Variants in SLC22A12 observed in about 807,000 individuals in gnomAD.
SLC22A12 encodes solute carrier family 22 member 12, also known as organic anion transporter 4-like protein.
SLC22A12 carries 56 observed loss-of-function variants against 52.7 expected under a neutral mutation model. The observed-to-expected ratio is 1.06, with a 90% CI of 0.86 to 1.33. SLC22A12 has a LOEUF of 1.33. Ranked by LOEUF, SLC22A12 falls within the 40% of genes most tolerant of loss-of-function variation. SLC22A12 has a pLI of 0.00. For synonymous variants in SLC22A12, 337 were observed against 324.6 expected (o/e 1.04, Z -0.41); for missense variants, 683 against 741.5 (o/e 0.92, Z 0.92).
At chr11:64,601,104 A>G (rs923275249) in intron 9 of SLC22A12, among the ~76,000 whole-genome samples, 166 bp downstream of exon 9, 1 of 152,146 alleles carries the variant, frequency 6.6e-6, no homozygotes, top group Non-Finnish European at 1.5e-5. Flanking sequence ...GTGGCAACCC[A>G]GGGCTCAGTC....
intron 1 of SLC22A12, 25 bp from the exon 2 acceptor site, chr11:64,592,754 G>A (rs2038961004): frequency 5.0e-6 from 8 of 1,596,348 alleles, no homozygotes; most frequent in Non-Finnish European, 4.3e-6. Flanking sequence ...AACCTCCTGA[G>A]CTCAGCCTCC....
chr11:64,592,961 A>G, intron 2 of SLC22A12, 79 bp downstream of exon 2: 1 of 1,338,176 alleles, frequency 7.5e-7, no homozygotes, highest in Non-Finnish European at 1.1e-6. Context: ...ACTGGCCCCA[A>G]ACCAGCCTCA....
Position 64,593,745 on chromosome 11 carries a change from T to C in SLC22A12, c.772T>C (p.Trp258Arg), listed in dbSNP as rs768165371. Residue 258 changes from tryptophan to arginine, a missense_variant, in exon 4 of 10, where the codon TGG becomes CGG. Physicochemically the swap from Trp to Arg is moderately radical, Grantham distance 101 (BLOSUM62 -3). Coordinates refer to ENST00000377574, the MANE Select transcript of SLC22A12 (RefSeq NM_144585.4). ...TAAVAYGVRD[W>R]TLLQLVVSVP... Reference sequence around the variant, plus strand: ...TGCAGTGGCCTACGGTGTGCGGGACTGGACACTGCTGCAGCTGGTGGTCTC... The same window carrying C: ...TGCAGTGGCCTACGGTGTGCGGGACCGGACACTGCTGCAGCTGGTGGTCTC... 3 of 1,613,364 alleles carry C rather than the reference T, an allele frequency of 1.9e-6. No individual in the cohort carries two copies. The highest frequency in any genetic ancestry group is 2.5e-6 in the Non-Finnish European group (3 of 1,180,016).
intron 9 of SLC22A12, 60 bp from the exon 10 acceptor site, chr11:64,601,428 G>C: frequency 6.4e-7 from 1 of 1,562,984 alleles, no homozygotes; most frequent in Non-Finnish European, 8.8e-7. Flanking sequence ...GATGGACACA[G>C]GTCAAGGGTC....
At chr11:64,596,363 GATGGATGGATGGA>G (rs201759837) in intron 4 of SLC22A12, among the ~76,000 whole-genome samples, 14,242 of 150,364 alleles carry the variant, frequency 0.095, 995 homozygotes, top group East Asian at 0.29. Flanking sequence ...TGAATGGATG[GATGGATGGATGGA>G]ATGGATGGAT....
intron 4 of SLC22A12, among the ~76,000 whole-genome samples, chr11:64,595,870 T>TA (rs1565137061): frequency 8.7e-5 from 12 of 138,228 alleles, no homozygotes; most frequent in Non-Finnish European, 1.8e-4. Context: ...GTTGAATGGA[T>TA]GGAATGGATG....
chr11:64,594,463 G>T (rs866177967), intron 4 of SLC22A12, among the ~76,000 whole-genome samples: 1 of 151,084 alleles, frequency 6.6e-6, no homozygotes, highest in Non-Finnish European at 1.5e-5. Flanking sequence ...TGGATGAATT[G>T]TTAGGTAAGT....
intron 1 of SLC22A12, among the ~76,000 whole-genome samples, chr11:64,592,171 C>G (rs549386066): frequency 9.9e-5 from 15 of 152,198 alleles, no homozygotes; most frequent in South Asian, 4.1e-4. Flanking sequence ...CTTGGAGGTG[C>G]GGGGGGCACC....
Position 64,593,621 on chromosome 11 carries a change from C to T in SLC22A12, c.662-14C>T, listed in dbSNP as rs375789672. 21 of 1,614,084 alleles carry T rather than the reference C, an allele frequency of 1.3e-5. No individual in the cohort carries two copies. The highest frequency in any genetic ancestry group is 2.2e-5 in the South Asian group (2 of 91,094). ...ATGCAGGCTCCAGGGCTGAACCACT[C>T]GGTCTCCTTGCAGTGATGGAGTGGA... On this transcript the variant is annotated splice_polypyrimidine_tract_variant and intron_variant, in intron 3 of 9. Coordinates refer to ENST00000377574, the MANE Select transcript of SLC22A12 (RefSeq NM_144585.4).
Position 64,591,536 on chromosome 11 carries a change from TG to T in SLC22A12, c.-18del, listed in dbSNP as rs1428503569. 2.5e-6 allele frequency: 4 copies of T among 1,609,208 alleles called. No homozygotes were observed. The African/African-American group carries it at 4.0e-5, about 16-fold the overall frequency. On this transcript the variant is annotated 5_prime_UTR_variant, in exon 1 of 10. Transcript: ENST00000377574. ...GCCTTTGTGAAGTGGGCCCCTCTTC[TG>T]GGCCCCTTGAGTAGGTTCCATGGCA... is the stretch of plus-strand genomic sequence containing the variant.
chr11:64,596,590 G>A (rs1356031184), intron 4 of SLC22A12, among the ~76,000 whole-genome samples: 1 of 152,184 alleles, frequency 6.6e-6, no homozygotes, highest in Non-Finnish European at 1.5e-5. Context: ...TGGTGAGCAG[G>A]TGCCCGCACC....
At chr11:64,600,042 G>A in intron 7 of SLC22A12, 152 bp downstream of exon 7, 1 of 960,810 alleles carries the variant, frequency 1.0e-6, no homozygotes, top group Admixed American at 2.1e-5. Flanking sequence ...GGCAGTGTCT[G>A]CACTGAGCCA....
At chr11:64,593,285 C>T (rs1290960314) in intron 2 of SLC22A12, 120 bp from the exon 3 acceptor site, 47 of 1,490,660 alleles carry the variant, frequency 3.2e-5, no homozygotes, top group Non-Finnish European at 4.0e-5. Context: ...ACCCAGGTGC[C>T]GCTTCAGTGT....
chr11:64,591,927 G>T lies in SLC22A12; in HGVS notation c.371G>T (p.Arg124Leu), dbSNP rs763298510. The T allele has an allele frequency of 6.2e-7, 1 of 1,611,914 alleles. No individual in the cohort carries two copies. Among genetic ancestry groups the T allele is most frequent in the East Asian group, 2.2e-5 (1 of 44,882 alleles). ...TGTGTGGATGGCTGGGTCTATGACC[G>T]CAGCATCTTCACCTCCACAATCGTG... The part of the protein sequence containing the change: ...EPCVDGWVYD[R>L]SIFTSTIVAK... Residue 124 changes from arginine to leucine, a missense_variant, in exon 1 of 10, where the codon CGC becomes CTC. By Grantham distance (102) the Arg-to-Leu change is moderately radical. Coordinates refer to ENST00000377574, the MANE Select transcript of SLC22A12 (RefSeq NM_144585.4).
At position 64,591,645 on chromosome 11, in the gene SLC22A12, G is replaced by A; in HGVS notation, c.89G>A (p.Trp30Ter). The change falls in exon 1 of 10, where the codon TGG becomes TAG. Residue 30 changes from tryptophan (W) to a stop codon, truncating the protein, a stop_gained. Transcript: ENST00000377574. LOFTEE classifies it high-confidence loss of function. ...QTMALMVSIM[W>*]LCTQSMLENF... ...ATGGCTCTGATGGTCTCCATCATGTGGCTGTGTACCCAGAGCATGCTGGAG... is the reference window on the plus strand; with the variant it reads ...ATGGCTCTGATGGTCTCCATCATGTAGCTGTGTACCCAGAGCATGCTGGAG... 6.2e-7 allele frequency: 1 copy of A among 1,613,162 alleles called. No homozygotes were observed.
intron 4 of SLC22A12, among the ~76,000 whole-genome samples, chr11:64,595,226 A>G (rs1332420589): frequency 8.0e-6 from 1 of 125,354 alleles, no homozygotes. Flanking sequence ...GGATGGATGG[A>G]TGGATGGATG....
chr11:64,600,079 G>A (rs1466507400), intron 7 of SLC22A12, among the ~76,000 whole-genome samples, 189 bp downstream of exon 7: 2 of 152,210 alleles, frequency 1.3e-5, no homozygotes, highest in Admixed American at 1.3e-4. Context: ...AGTGGCATGG[G>A]TGGCACCAGG....
rs745620233 is a variant in SLC22A12, at chr11:64,591,530, C to G, written c.-27C>G. 1 of 1,608,312 alleles carries G rather than the reference C, an allele frequency of 6.2e-7. No individual in the cohort carries two copies. Among genetic ancestry groups the G allele is most frequent in the Non-Finnish European group, 8.5e-7 (1 of 1,179,976 alleles). On this transcript the variant is annotated 5_prime_UTR_variant, in exon 1 of 10. Coordinates refer to ENST00000377574, the MANE Select transcript of SLC22A12 (RefSeq NM_144585.4). ...GGGCCAGCCTTTGTGAAGTGGGCCC[C>G]TCTTCTGGGCCCCTTGAGTAGGTTC...
Position 64,600,465 on chromosome 11 carries a change from A to T in SLC22A12, c.1384A>T (p.Thr462Ser). 2 of 1,602,866 alleles carry T rather than the reference A, an allele frequency of 1.2e-6. No homozygotes were observed. Among genetic ancestry groups the T allele is most frequent in the Non-Finnish European group, 1.7e-6 (2 of 1,177,978 alleles). ...ITIYSSELFP[T>S]VLRMTAVGLG... ...CATCTACAGCAGCGAGCTCTTCCCC[A>T]CTGTGCTCAGGTGAGGCTGGGCCTG... Residue 462 changes from threonine (T) to serine (S), a missense_variant, in exon 8 of 10, where the codon ACT (threonine) becomes TCT (serine). Thr to Ser is a moderately conservative substitution (Grantham distance 58, BLOSUM62 1). Coordinates refer to ENST00000377574, the MANE Select transcript of SLC22A12 (RefSeq NM_144585.4).
Sources: gnomAD v4.1 joint callset for allele counts (sites outside exome capture counted in the v4.1 genomes callset) on GRCh38, gnomAD v4.1.1 for gene constraint, MANE v1.5 for transcripts, NCBI Gene and HGNC (gene_info 2026-07-23, HGNC 2026-07-21) for gene names.